Variants in STXBP4 observed in about 807,000 individuals in gnomAD.
STXBP4 encodes the protein syntaxin-binding protein 4.
STXBP4 carries 55 observed loss-of-function variants against 76.1 expected under a neutral mutation model. The ratio of observed to expected loss-of-function variants is 0.72; its 90% confidence interval spans 0.58 to 0.91. STXBP4 has a LOEUF of 0.91. Ranked by LOEUF, STXBP4 falls within the 40% of genes least tolerant of loss-of-function variation. STXBP4 has a pLI of 0.00. For synonymous variants in STXBP4, 201 were observed against 220.2 expected, an observed-to-expected ratio of 0.91 and a Z score of 0.77; for missense variants, 618 against 636.9, an observed-to-expected ratio of 0.97 and a Z score of 0.32.
At chr17:55,013,938 G>A (rs1388074188) in intron 8 of STXBP4, among the ~76,000 whole-genome samples, 2 of 152,176 alleles carry the variant, frequency 1.3e-5, no homozygotes, top group African/African-American at 4.8e-5. Flanking sequence ...AAACCACTCT[G>A]CTTCCTCTGG....
At chr17:55,141,530 T>C (rs2080094080) in intron 17 of STXBP4, among the ~76,000 whole-genome samples, 163 bp downstream of exon 17, 1 of 152,154 alleles carries the variant, frequency 6.6e-6, no homozygotes, top group African/African-American at 2.4e-5. Flanking sequence ...ATTTAAATGC[T>C]AATATCAGAT....
At chr17:55,175,156 A>G (rs2080424874), downstream of STXBP4, among the ~76,000 whole-genome samples, 1 of 152,212 alleles carries the variant, frequency 6.6e-6, no homozygotes, top group South Asian at 2.1e-4. Context: ...CAGGAAGTCA[A>G]AATGAACTGG....
chr17:55,175,173 A>G (rs184175830), downstream of STXBP4, among the ~76,000 whole-genome samples: 1 of 152,338 alleles, frequency 6.6e-6, no homozygotes, highest in African/African-American at 2.4e-5. Flanking sequence ...CTGGGAGGAA[A>G]TTTGAGAACA....
chr17:55,162,072 A>C lies in STXBP4; in HGVS notation c.*2161A>C, dbSNP rs891076395. 3.9e-5 allele frequency: 6 copies of C among 152,246 alleles called. No homozygotes were observed. Among genetic ancestry groups the C allele is most frequent in the African/African-American group, 1.2e-4 (5 of 41,454 alleles). 9.4% of individuals were successfully genotyped at this position (152,246 alleles called of 1,614,324 possible). On this transcript the variant is annotated 3_prime_UTR_variant, in exon 18 of 18. Coordinates refer to ENST00000376352, the MANE Select transcript of STXBP4 (RefSeq NM_178509.6). Reference sequence around the variant, plus strand: ...TTCCCCAGGAGAAAATGGAAACACTATCCCAGCAATCTGAATTCCTTACTT... The same window carrying C: ...TTCCCCAGGAGAAAATGGAAACACTCTCCCAGCAATCTGAATTCCTTACTT...
At chr17:55,007,381 C>T in intron 7 of STXBP4, 125 bp from the exon 8 acceptor site, 1 of 686,884 alleles carries the variant, frequency 1.5e-6, no homozygotes, top group Non-Finnish European at 2.5e-6. Context: ...GCAAACAAAA[C>T]TAAAAGCTGC....
intron 8 of STXBP4, among the ~76,000 whole-genome samples, chr17:55,012,338 G>A (rs2078130570): frequency 6.6e-6 from 1 of 152,014 alleles, no homozygotes; most frequent in African/African-American, 2.4e-5. Flanking sequence ...TTTCCCGGAG[G>A]GCATTACCCC....
At chr17:55,091,728 T>C (rs2079417304) in intron 16 of STXBP4, among the ~76,000 whole-genome samples, 1 of 152,178 alleles carries the variant, frequency 6.6e-6, no homozygotes, top group Non-Finnish European at 1.5e-5. Context: ...ACCTTTACTT[T>C]CTGATGGTTC....
At chr17:55,007,319 G>A (rs773259508) in intron 7 of STXBP4, among the ~76,000 whole-genome samples, 187 bp from the exon 8 acceptor site, 1 of 149,412 alleles carries the variant, frequency 6.7e-6, no homozygotes, top group Non-Finnish European at 1.5e-5. Flanking sequence ...GGGCAACAGA[G>A]TGAGACTCTG....
chr17:55,152,968 T>C (rs2080232783), intron 17 of STXBP4, among the ~76,000 whole-genome samples: 2 of 152,122 alleles, frequency 1.3e-5, no homozygotes, highest in Admixed American at 1.3e-4. Flanking sequence ...TCCCTATATA[T>C]TGTTACTGAC....
At chr17:55,018,572 G>A (rs1598212091) in intron 8 of STXBP4, among the ~76,000 whole-genome samples, 1 of 152,228 alleles carries the variant, frequency 6.6e-6, no homozygotes, top group South Asian at 2.1e-4. Context: ...AAGAGGCTTT[G>A]TTTAAGCAAC....
chr17:55,160,876 G>A lies in STXBP4; in HGVS notation c.*965G>A, dbSNP rs1390165014. On this transcript the variant is annotated 3_prime_UTR_variant, in exon 18 of 18. Coordinates refer to ENST00000376352, the MANE Select transcript of STXBP4 (RefSeq NM_178509.6). ...CAGCAGACTTCTTTCAGCAGCTCGTGTTTTTCTAAAGTGAAAGGCATGGTT... is the reference window on the plus strand; with the variant it reads ...CAGCAGACTTCTTTCAGCAGCTCGTATTTTTCTAAAGTGAAAGGCATGGTT... 1 of 152,310 alleles carries A rather than the reference G, an allele frequency of 6.6e-6. No homozygotes were observed. Among genetic ancestry groups the A allele is most frequent in the Non-Finnish European group, 1.5e-5 (1 of 68,108 alleles). The allele number at this position is 152,310 out of a possible 1,614,324, so 9.4% of individuals were successfully genotyped here.
At chr17:55,014,679 G>T (rs375007563) in intron 8 of STXBP4, among the ~76,000 whole-genome samples, 2 of 152,158 alleles carry the variant, frequency 1.3e-5, no homozygotes, top group Non-Finnish European at 2.9e-5. Flanking sequence ...CATCTGGTTA[G>T]TGGCTTCTGA....
At chr17:55,100,646 G>A (rs1598312594) in intron 16 of STXBP4, among the ~76,000 whole-genome samples, 1 of 152,248 alleles carries the variant, frequency 6.6e-6, no homozygotes, top group Non-Finnish European at 1.5e-5. Context: ...GTTTTTAAAG[G>A]TAATATAAAG....
rs531669958 is a variant in STXBP4, at chr17:55,136,979, A to C, written c.1490-4331A>C. ...TAACAATGGTCTCCTTTCGTATATC[A>C]TTGTGTAGTTACATGTTATCTAATA... On this transcript the variant is annotated intron_variant, in intron 16 of 17. Coordinates refer to ENST00000376352, the MANE Select transcript of STXBP4 (RefSeq NM_178509.6). 2.6e-5 allele frequency among the ~76,000 whole-genome samples: 4 copies of C among 152,216 alleles called. No individual in the cohort carries two copies. The East Asian group carries it at 5.8e-4, about 22-fold the overall frequency.
intron 12 of STXBP4, among the ~76,000 whole-genome samples, chr17:55,071,327 T>C (rs2144866072): frequency 6.6e-6 from 1 of 152,278 alleles, no homozygotes; most frequent in East Asian, 1.9e-4. Flanking sequence ...TTCACTCTTG[T>C]TACCATTCTG....
intron 10 of STXBP4, among the ~76,000 whole-genome samples, chr17:55,039,407 G>A (rs1242196749): frequency 6.6e-6 from 1 of 151,818 alleles, no homozygotes; most frequent in Non-Finnish European, 1.5e-5. Context: ...AAGGGTAAAT[G>A]TTAAGTTTAG....
intron 8 of STXBP4, among the ~76,000 whole-genome samples, chr17:55,028,035 A>G (rs1215643388): frequency 6.6e-6 from 1 of 152,132 alleles, no homozygotes; most frequent in East Asian, 1.9e-4. Context: ...AGGGGTTTTT[A>G]TATGTTTTGG....
the STXBP4 span, among the ~76,000 whole-genome samples, chr17:55,198,148 CTGAAG>C: frequency 6.6e-6 from 1 of 152,166 alleles, no homozygotes; most frequent in Non-Finnish European, 1.5e-5. Flanking sequence ...CAATCAGAGG[CTGAAG>C]TGAAGTTACA....
intron 10 of STXBP4, among the ~76,000 whole-genome samples, chr17:55,037,488 G>A (rs572224069): frequency 4.2e-5 from 6 of 143,578 alleles, no homozygotes; most frequent in Non-Finnish European, 9.4e-5. Context: ...AAGTTGTTGG[G>A]ATTAAAAAAA....
Sources: allele counts gnomAD v4.1 joint callset (sites outside exome capture counted in the v4.1 genomes callset), GRCh38; gene constraint gnomAD v4.1.1; transcripts MANE v1.5; gene names NCBI Gene and HGNC (gene_info 2026-07-23, HGNC 2026-07-21).